The following RFTN1 variants were observed in gnomAD, a reference collection of about 807,000 sequenced individuals.
RFTN1 encodes the protein raftlin.
A neutral mutation model predicts 46.5 loss-of-function variants in RFTN1; 26 were observed. That is an observed-to-expected ratio of 0.56 (90% CI 0.41 to 0.78). The LOEUF (loss-of-function observed/expected upper bound fraction) is 0.78. Ranked by LOEUF, RFTN1 falls within the 30% of genes least tolerant of loss-of-function variation. The pLI, the probability that RFTN1 is intolerant of heterozygous loss-of-function variation, is 0.00. For missense variants in RFTN1, 693 were observed against 718.7 expected (o/e 0.96, Z 0.41); for synonymous variants, 261 against 284.2 (o/e 0.92, Z 0.82).
chr3:16,467,094 G>C (rs963538369), intron 2 of RFTN1, among the ~76,000 whole-genome samples: 5 of 152,152 alleles, frequency 3.3e-5, no homozygotes, highest in African/African-American at 1.2e-4. Flanking sequence ...AAAACAAAAA[G>C]GGGGGTGAGG....
rs2075638647 is a variant in RFTN1 at position 16,442,163 on chromosome 3, T to C, written c.146-8126A>G. On this transcript the variant is annotated intron_variant, in intron 2 of 9. Transcript: ENST00000334133. The surrounding 1 kb of genome is among the most constrained non-coding windows in gnomAD (Gnocchi z 4.1). ...ACAAAACAAAACAAAACAAAACACATATCCAGGCTCAGGAGACCACACCAT... is the reference window on the plus strand; with the variant it reads ...ACAAAACAAAACAAAACAAAACACACATCCAGGCTCAGGAGACCACACCAT... Among the ~76,000 whole-genome samples, 2 of 152,042 alleles carry C rather than the reference T, an allele frequency of 1.3e-5. No individual in the cohort carries two copies. The highest frequency in any genetic ancestry group is 2.1e-4 in the South Asian group (1 of 4,818).
Position 16,329,179 on chromosome 3 carries a change from C to T in RFTN1, c.1147-2303G>A, listed in dbSNP as rs558969415. Among the ~76,000 whole-genome samples, 5 of 152,302 alleles carry T rather than the reference C, an allele frequency of 3.3e-5. No homozygotes were observed. Among genetic ancestry groups the T allele is most frequent in the South Asian group, 4.1e-4 (2 of 4,826 alleles). On this transcript the variant is annotated intron_variant, in intron 7 of 9. Transcript: ENST00000334133. This position sits in a 1 kb window ranked among gnomAD's most constrained non-coding sequence, Gnocchi z 4.5. ...TCCCCTCTTTTCTGCGCTTCCGCCT[C>T]GGGATGACGCAGCAAGAAGGCCCTC...
intron 3 of RFTN1, among the ~76,000 whole-genome samples, chr3:16,419,415 G>T (rs760446182): frequency 2.0e-5 from 3 of 152,286 alleles, no homozygotes; most frequent in East Asian, 3.9e-4. Context: ...ATGTAGGAAG[G>T]GGGGAAGAAT....
At chr3:16,485,879 A>G (rs1402112887) in intron 2 of RFTN1, among the ~76,000 whole-genome samples, 1 of 152,238 alleles carries the variant, frequency 6.6e-6, no homozygotes, top group African/African-American at 2.4e-5. Flanking sequence ...CTTTGAGTGG[A>G]AAGAGCTGAA....
chr3:16,340,840 AAAGT>A (rs2071270268), intron 7 of RFTN1, among the ~76,000 whole-genome samples: 1 of 152,206 alleles, frequency 6.6e-6, no homozygotes, highest in Non-Finnish European at 1.5e-5. Flanking sequence ...CTAGTTTCAA[AAAGT>A]AAGGCCCTCA....
At chr3:16,409,620 C>A in intron 3 of RFTN1, 137 bp from the exon 4 acceptor site, 1 of 565,464 alleles carries the variant, frequency 1.8e-6, no homozygotes, top group Non-Finnish European at 3.3e-6. Context: ...CGGGTTCAAG[C>A]AATTGTCCTG....
chr3:16,439,254 A>G (rs1007116609), intron 2 of RFTN1, among the ~76,000 whole-genome samples: 1 of 152,184 alleles, frequency 6.6e-6, no homozygotes, highest in Admixed American at 6.5e-5. Context: ...GAAGTGACCA[A>G]TTCCCCAGTG....
intron 3 of RFTN1, among the ~76,000 whole-genome samples, chr3:16,432,339 G>A (rs1038571498): frequency 2.0e-5 from 3 of 152,074 alleles, no homozygotes; most frequent in South Asian, 4.1e-4. Flanking sequence ...GCAACATGGC[G>A]AAACCCGGTC....
In RFTN1 at chr3:16,484,070, C is replaced by T. The variant is rs17042340; in HGVS notation, c.145+9655G>A. Among the ~76,000 whole-genome samples the T allele has an allele frequency of 2.1e-3, 320 of 152,298 alleles. 2 individuals are homozygous for T. Among genetic ancestry groups the T allele is most frequent in the African/African-American group, 7.3e-3 (304 of 41,560 alleles). On this transcript the variant is annotated intron_variant, in intron 2 of 9. Coordinates refer to ENST00000334133, the MANE Select transcript of RFTN1 (RefSeq NM_015150.2). This position sits in a 1 kb window ranked among gnomAD's most constrained non-coding sequence, Gnocchi z 4.6. ...GGAACTGGCCTATCATCTCCCTTCACGAAATCAGAAAGGCTAATAGTGCCA... is the reference window on the plus strand; with the variant it reads ...GGAACTGGCCTATCATCTCCCTTCATGAAATCAGAAAGGCTAATAGTGCCA...
rs1213937098 is a variant in RFTN1 at position 16,337,614 on chromosome 3, C to T, written c.1147-10738G>A. Among the ~76,000 whole-genome samples the T allele has an allele frequency of 2.0e-5, 3 of 151,806 alleles. No individual in the cohort carries two copies. Among genetic ancestry groups the T allele is most frequent in the African/African-American group, 4.8e-5 (2 of 41,324 alleles). On this transcript the variant is annotated intron_variant, in intron 7 of 9. Coordinates refer to ENST00000334133, the MANE Select transcript of RFTN1 (RefSeq NM_015150.2). The surrounding 1 kb of genome is among the most constrained non-coding windows in gnomAD (Gnocchi z 5.0). ...AAAATTAGCCAAGCATGGTGGCAGG[C>T]GCCTGTAGTCCCAGCTACTCGGGAG... is the stretch of plus-strand genomic sequence containing the variant.
chr3:16,333,503 T>C (rs1191564789), intron 7 of RFTN1, among the ~76,000 whole-genome samples: 6 of 152,218 alleles, frequency 3.9e-5, no homozygotes, highest in Admixed American at 2.6e-4. Context: ...TTTAGTTTCA[T>C]TTCATGAGGA....
chr3:16,418,745 A>G lies in RFTN1; in HGVS notation c.333-9262T>C, dbSNP rs2075131807. On this transcript the variant is annotated intron_variant, in intron 3 of 9. Transcript: ENST00000334133. This position sits in a 1 kb window ranked among gnomAD's most constrained non-coding sequence, Gnocchi z 5.0. ...GAGATCTGAAAGAGATTTGTCAATG[A>G]AAGAAAAAGAAAGCTATTCCTAGTT... 6.6e-6 allele frequency among the ~76,000 whole-genome samples: 1 copy of G among 152,148 alleles called. No homozygotes were observed. Among genetic ancestry groups the G allele is most frequent in the East Asian group, 1.9e-4 (1 of 5,206 alleles).
At chr3:16,398,431 A>C (rs978796802) in intron 4 of RFTN1, among the ~76,000 whole-genome samples, 2 of 152,124 alleles carry the variant, frequency 1.3e-5, no homozygotes, top group Non-Finnish European at 2.9e-5. Context: ...TCAGCCCTTT[A>C]GGCTTCACTC....
intron 6 of RFTN1, among the ~76,000 whole-genome samples, chr3:16,362,803 A>G (rs559182505): frequency 7.2e-5 from 11 of 152,324 alleles, no homozygotes; most frequent in Middle Eastern, 3.4e-3. Context: ...TAGCCTGCCC[A>G]TGGCGAGCAT....
Position 16,383,157 on chromosome 3 carries a change from G to A in RFTN1, c.442-5055C>T, listed in dbSNP as rs1319529053. On this transcript the variant is annotated intron_variant, in intron 4 of 9. Transcript: ENST00000334133. This position sits in a 1 kb window ranked among gnomAD's most constrained non-coding sequence, Gnocchi z 4.0. ...AAGCCATGCCTGGCTTTCGCTCTGA[G>A]TATCCTAAGCCCAACCTGATGCCTC... Among the ~76,000 whole-genome samples, 1 of 152,148 alleles carries A rather than the reference G, an allele frequency of 6.6e-6. No individual in the cohort carries two copies. Among genetic ancestry groups the A allele is most frequent in the Non-Finnish European group, 1.5e-5 (1 of 68,024 alleles).
chr3:16,476,763 T>C (rs7621664), intron 2 of RFTN1, among the ~76,000 whole-genome samples: 18,346 of 152,144 alleles, frequency 0.12, 1,197 homozygotes, highest in Middle Eastern at 0.17. Context: ...AAACTGTTTG[T>C]TTACTTTCAG....
At chr3:16,367,001 A>C (rs948300039) in intron 6 of RFTN1, among the ~76,000 whole-genome samples, 8 of 152,196 alleles carry the variant, frequency 5.3e-5, no homozygotes, top group African/African-American at 1.7e-4. Context: ...CCAGGGTGGG[A>C]GGCATGGGGA....
chr3:16,494,563 T>G (rs943627051), intron 1 of RFTN1, among the ~76,000 whole-genome samples: 2 of 152,200 alleles, frequency 1.3e-5, no homozygotes, highest in African/African-American at 4.8e-5. Context: ...ATAGAGCAAT[T>G]GGAAGCAGAA....
At chr3:16,403,619 A>G (rs2074666751) in intron 4 of RFTN1, among the ~76,000 whole-genome samples, 1 of 76,998 alleles carries the variant, frequency 1.3e-5, no homozygotes, top group South Asian at 3.6e-4. Flanking sequence ...TATATAATAT[A>G]TATTTTATGT....
Sources: allele counts gnomAD v4.1 joint callset (sites outside exome capture counted in the v4.1 genomes callset), GRCh38; gene constraint gnomAD v4.1.1; non-coding constraint Gnocchi (gnomAD v3.1); transcripts MANE v1.5; gene names NCBI Gene and HGNC (gene_info 2026-07-23, HGNC 2026-07-21).